The following ADGRA1 variants were observed in gnomAD, a reference collection of about 807,000 sequenced individuals.
The protein encoded by ADGRA1 is G-protein coupled receptor 123.
Under a neutral mutation model 21.3 loss-of-function variants are expected in ADGRA1, and 12 were observed. The observed-to-expected ratio is 0.56, with a 90% CI of 0.36 to 0.91. The LOEUF is 0.91. Ranked by LOEUF, ADGRA1 falls within the 40% of genes least tolerant of loss-of-function variation. The pLI, the probability that ADGRA1 is intolerant of heterozygous loss-of-function variation, is 0.01. For missense variants in ADGRA1, 790 were observed against 805.6 expected (o/e 0.98, Z 0.23); for synonymous variants, 385 against 368.8 (o/e 1.04, Z -0.50).
chr10:133,123,979 A>T (rs1447569781), intron 5 of ADGRA1, among the ~76,000 whole-genome samples: 2 of 152,214 alleles, frequency 1.3e-5, no homozygotes, highest in African/African-American at 4.8e-5. Flanking sequence ...GAGAACGTGG[A>T]TGTCTGGGGG....
In ADGRA1 at chr10:133,087,950, G is replaced by T. The variant is rs1378366183; in HGVS notation, c.-391G>T. 5.1e-6 allele frequency: 5 copies of T among 984,912 alleles called. No individual in the cohort carries two copies. The highest frequency in any genetic ancestry group is 6.2e-5 in the Admixed American group (1 of 16,204). The allele number at this position is 984,912 out of a possible 1,614,324, so 61.0% of individuals were successfully genotyped here. On this transcript the variant is annotated 5_prime_UTR_variant, in exon 1 of 7. Transcript: ENST00000392607. ...CAGAGGCGGCGGCGCTGCTGGCCGG[G>T]CTGGGCCGCTCGTGCGCGGGGCTGT...
chr10:133,107,174 C>A (rs1322448717), intron 5 of ADGRA1, among the ~76,000 whole-genome samples: 1 of 152,204 alleles, frequency 6.6e-6, no homozygotes, highest in South Asian at 2.1e-4. Flanking sequence ...CAACCGATTT[C>A]TGTGTGCCAA....
intron 4 of ADGRA1, chr10:133,102,406 G>T: frequency 1.8e-6 from 1 of 557,010 alleles, no homozygotes; most frequent in East Asian, 4.2e-5. Context: ...GACCACAGCG[G>T]GTTGTGCATG....
rs1056541795 is a variant in ADGRA1, at chr10:133,129,324, A to G, written c.1496A>G (p.Gln499Arg). Residue 499 changes from glutamine to arginine, a missense_variant, in exon 7 of 7, where the codon CAG becomes CGG. This residue lies in a region of ADGRA1 where 391 missense variants were observed against 351.5 expected (regional missense o/e 1.11). Coordinates refer to ENST00000392607, the MANE Select transcript of ADGRA1 (RefSeq NM_001083909.3). ...CCTGCCCTCTACAGCTGCCCCACGC[A>G]GCCGGGCAGGGAGGCAGCGCTCGGG... ...GSPALYSCPT[Q>R]PGREAALGPG... 6.4e-7 allele frequency: 1 copy of G among 1,564,774 alleles called. No homozygotes were observed. Among genetic ancestry groups the G allele is most frequent in the African/African-American group, 1.4e-5 (1 of 73,552 alleles).
rs553041229 is a variant in ADGRA1, at chr10:133,098,572, G to A, written c.132-68G>A. On this transcript the variant is annotated intron_variant, in intron 3 of 6. Coordinates refer to ENST00000392607, the MANE Select transcript of ADGRA1 (RefSeq NM_001083909.3). The stretch of plus-strand genomic sequence containing the variant: ...CCGGGGACAGAGCCTGCGCCCCAGG[G>A]GGCTCCCTTCCACGCCTCCCCCTGC... The A allele has an allele frequency of 2.9e-4, 442 of 1,547,886 alleles. No individual in the cohort carries two copies. The African/African-American group carries it at 5.4e-3, about 19-fold the overall frequency.
In ADGRA1 at chr10:133,130,900, C is replaced by T. The variant is rs1001019892; in HGVS notation, c.*1389C>T. On this transcript the variant is annotated 3_prime_UTR_variant, in exon 7 of 7. Coordinates refer to ENST00000392607, the MANE Select transcript of ADGRA1 (RefSeq NM_001083909.3). Reference sequence around the variant, plus strand: ...ACACACAAACACACGTGCACACATACTTAACACACACTTGCACCTGCTGTG... The same window carrying T: ...ACACACAAACACACGTGCACACATATTTAACACACACTTGCACCTGCTGTG... The T allele has an allele frequency of 5.3e-5, 8 of 152,224 alleles. No homozygotes were observed. Among genetic ancestry groups the T allele is most frequent in the Non-Finnish European group, 1.2e-4 (8 of 68,062 alleles). The allele number at this position is 152,224 out of a possible 1,614,324, so 9.4% of individuals were successfully genotyped here. A position where few individuals can be genotyped will look rare whatever the true frequency, so the allele number is the denominator to read the frequency against.
At position 133,097,138 on chromosome 10, in the gene ADGRA1, A is replaced by C. The variant is rs201462292; in HGVS notation, c.131+37A>C. 6.6e-4 allele frequency: 1,056 copies of C among 1,599,302 alleles called. 9 individuals carry two copies. The African/African-American group carries it at 0.012, about 18-fold the overall frequency. Reference sequence around the variant, plus strand: ...ATGGGCAAGGGCGCCCCCTGTGCCCAAGAAACCTGCTTTTACCTTCAAAGG... The same window carrying C: ...ATGGGCAAGGGCGCCCCCTGTGCCCCAGAAACCTGCTTTTACCTTCAAAGG... On this transcript the variant is annotated intron_variant, in intron 3 of 6. Coordinates refer to ENST00000392607, the MANE Select transcript of ADGRA1 (RefSeq NM_001083909.3).
At chr10:133,114,207 A>G (rs1161807213) in intron 5 of ADGRA1, among the ~76,000 whole-genome samples, 1 of 152,202 alleles carries the variant, frequency 6.6e-6, no homozygotes, top group African/African-American at 2.4e-5. Context: ...TGGAGCTTCA[A>G]GGGCAGAGCG....
chr10:133,129,471 A>G lies in ADGRA1; in HGVS notation c.1643A>G (p.Asn548Ser), dbSNP rs771829451. The part of the protein sequence containing the change: ...GLPFGTDGTG[N>S]IRTGPWKNET... ...CCGTTTGGCACCGACGGGACCGGCA[A>G]CATCCGAACGGGACCCTGGAAAAAC... is the stretch of plus-strand genomic sequence containing the variant. The change falls in exon 7 of 7, where the codon AAC (asparagine) becomes AGC (serine). Residue 548 changes from asparagine to serine, a missense_variant. Transcript: ENST00000392607. 7 of 1,599,498 alleles carry G rather than the reference A, an allele frequency of 4.4e-6. No homozygotes were observed. The highest frequency in any genetic ancestry group is 2.7e-5 in the African/African-American group (2 of 75,062).
At chr10:133,128,270 G>C in intron 6 of ADGRA1, 59 bp from the exon 7 acceptor site, 4 of 1,338,042 alleles carry the variant, frequency 3.0e-6, no homozygotes, top group Non-Finnish European at 4.0e-6. Flanking sequence ...GCTCTGCAGG[G>C]GGCGTCCTGA....
rs753719754 is a variant in ADGRA1, at chr10:133,129,013, C to A, written c.1185C>A (p.Asp395Glu). Residue 395 changes from aspartate to glutamate, a missense_variant, in exon 7 of 7, where the codon GAC becomes GAA. By Grantham distance (45) the Asp-to-Glu change is conservative. Transcript: ENST00000392607. ...TGCACTGCGAGCCACTGACGGCGGA[C>A]GAGGCGCACGTGCACCTGCAGGAGG... ...AKMHCEPLTA[D>E]EAHVHLQEEG... is the part of the protein sequence containing the mutation. The A allele has an allele frequency of 3.2e-6, 5 of 1,566,608 alleles. No individual in the cohort carries two copies. In the South Asian group the frequency reaches 3.5e-5, roughly 11 times the overall value.
chr10:133,110,734 A>G (rs926456576), intron 5 of ADGRA1, among the ~76,000 whole-genome samples: 8 of 152,222 alleles, frequency 5.3e-5, no homozygotes, highest in African/African-American at 1.9e-4. Flanking sequence ...TCTGATGCCC[A>G]TGTCTGAACA....
intron 5 of ADGRA1, among the ~76,000 whole-genome samples, chr10:133,114,514 C>T (rs1202582099): frequency 6.6e-6 from 1 of 152,200 alleles, no homozygotes; most frequent in Admixed American, 6.5e-5. Flanking sequence ...CTCCACCTGA[C>T]TCCTGTCTCG....
chr10:133,089,099 C>A (rs1479683529), intron 2 of ADGRA1, 187 bp downstream of exon 2: 4 of 1,088,754 alleles, frequency 3.7e-6, no homozygotes, highest in Non-Finnish European at 4.7e-6. Flanking sequence ...CGTGTCTGGG[C>A]ACCTCTGCTC....
chr10:133,111,953 CT>C lies in ADGRA1; in HGVS notation c.401+9112del, dbSNP rs1852031191. Among the ~76,000 whole-genome samples, 4 of 60,078 alleles carry C rather than the reference CT, an allele frequency of 6.7e-5. 1 individual carries two copies. The highest frequency in any genetic ancestry group is 1.0e-4 in the Non-Finnish European group (3 of 29,808). 39.4% of individuals were successfully genotyped at this position (60,078 alleles called of 152,430 possible). ...GCCGTGAGCACCTCCCTCCTAATCC[CT>C]CCAGACCACCTGCCCACCACAGGCA... On this transcript the variant is annotated intron_variant, in intron 5 of 6. Transcript: ENST00000392607.
At chr10:133,113,335 G>C (rs551705826) in intron 5 of ADGRA1, among the ~76,000 whole-genome samples, 57 of 152,296 alleles carry the variant, frequency 3.7e-4, no homozygotes, top group African/African-American at 1.3e-3. Flanking sequence ...GTCACGGCCC[G>C]GCTTGCCGAG....
At chr10:133,120,599 G>C (rs1016024949) in intron 5 of ADGRA1, among the ~76,000 whole-genome samples, 6 of 152,082 alleles carry the variant, frequency 3.9e-5, no homozygotes, top group Non-Finnish European at 8.8e-5. Context: ...CATTTTTTCT[G>C]CTGCACCTCT....
chr10:133,095,219 G>A (rs1014986896), intron 2 of ADGRA1, among the ~76,000 whole-genome samples: 6 of 152,242 alleles, frequency 3.9e-5, no homozygotes, highest in African/African-American at 9.6e-5. Context: ...CTGACGCTTC[G>A]GGCTCTGGGG....
chr10:133,090,048 A>G (rs1851572269), intron 2 of ADGRA1, among the ~76,000 whole-genome samples: 1 of 152,238 alleles, frequency 6.6e-6, no homozygotes, highest in Admixed American at 6.5e-5. Context: ...TCAGCCTCAA[A>G]TTGAGACCCT....
Sources: allele counts gnomAD v4.1 joint callset (sites outside exome capture counted in the v4.1 genomes callset), GRCh38; gene constraint gnomAD v4.1.1; regional missense constraint gnomAD v4.1.1; transcripts MANE v1.5; gene names NCBI Gene and HGNC (gene_info 2026-07-23, HGNC 2026-07-21).